The following RASA2 variants were observed in gnomAD, a reference collection of about 807,000 sequenced individuals.
The protein encoded by RASA2 is ras GTPase-activating protein 2.
A neutral mutation model predicts 118.2 loss-of-function variants in RASA2; 155 were observed. That is an observed-to-expected ratio of 1.31 (90% CI 1.15 to 1.50). The LOEUF (loss-of-function observed/expected upper bound fraction) is 1.50. Ranked by LOEUF, RASA2 falls within the 40% of genes most tolerant of loss-of-function variation. RASA2 has a pLI of 0.00. For synonymous variants in RASA2, 353 were observed against 349.1 expected, an observed-to-expected ratio of 1.01 and a Z score of -0.12; for missense variants, 1,016 against 1,009.6, an observed-to-expected ratio of 1.01 and a Z score of -0.09.
At chr3:141,606,606 T>TC (rs2083553075) in intron 19 of RASA2, among the ~76,000 whole-genome samples, 1 of 152,284 alleles carries the variant, frequency 6.6e-6, no homozygotes, top group Admixed American at 6.5e-5. Context: ...TTGAATTAAG[T>TC]GACTTTATCT....
chr3:141,612,072 G>T (rs950132569), intron 23 of RASA2, among the ~76,000 whole-genome samples: 1 of 152,002 alleles, frequency 6.6e-6, no homozygotes, highest in African/African-American at 2.4e-5. Flanking sequence ...GGTTTTCTTG[G>T]TCTGTTTTGT....
chr3:141,522,970 T>C (rs1188120253), intron 3 of RASA2, among the ~76,000 whole-genome samples: 1 of 152,172 alleles, frequency 6.6e-6, no homozygotes, highest in Non-Finnish European at 1.5e-5. Context: ...CTGCAGGGCC[T>C]GTTCCTGGGT....
intron 5 of RASA2, among the ~76,000 whole-genome samples, chr3:141,543,076 T>G (rs1028371526): frequency 2.0e-5 from 3 of 152,100 alleles, no homozygotes; most frequent in Non-Finnish European, 4.4e-5. Context: ...ATTTTTTGTT[T>G]GTTTTCTGTT....
At chr3:141,599,059 G>A (rs575959282) in intron 19 of RASA2, among the ~76,000 whole-genome samples, 14 of 152,174 alleles carry the variant, frequency 9.2e-5, no homozygotes, top group African/African-American at 3.1e-4. Flanking sequence ...CTGCACTCCA[G>A]CCCCGGCGAC....
chr3:141,539,869 A>G (rs969852430), intron 4 of RASA2, among the ~76,000 whole-genome samples: 2 of 152,020 alleles, frequency 1.3e-5, no homozygotes, highest in Admixed American at 6.6e-5. Flanking sequence ...TTAAGAAAGT[A>G]CTCCTTTATT....
At chr3:141,506,832 C>T (rs2081874797) in intron 1 of RASA2, among the ~76,000 whole-genome samples, 2 of 150,188 alleles carry the variant, frequency 1.3e-5, no homozygotes, top group Admixed American at 1.3e-4. Context: ...GACAGAATCA[C>T]GTGAGTCCAG....
At chr3:141,537,008 A>G (rs983955144) in intron 4 of RASA2, among the ~76,000 whole-genome samples, 1 of 152,168 alleles carries the variant, frequency 6.6e-6, no homozygotes, top group Non-Finnish European at 1.5e-5. Flanking sequence ...TGGCCTCCCA[A>G]AGTGCTGGGA....
intron 17 of RASA2, among the ~76,000 whole-genome samples, chr3:141,583,567 G>A (rs1301120542): frequency 2.6e-5 from 4 of 152,140 alleles, no homozygotes; most frequent in African/African-American, 9.7e-5. Context: ...TGCTGTGATA[G>A]GGCGCTTCTT....
chr3:141,489,524 C>G (rs1049538603), intron 1 of RASA2, among the ~76,000 whole-genome samples: 5 of 152,134 alleles, frequency 3.3e-5, no homozygotes, highest in Admixed American at 3.3e-4. Flanking sequence ...CAGTAGGAAA[C>G]CTTGGAAGAA....
At chr3:141,548,685 G>A (rs930290280) in intron 5 of RASA2, among the ~76,000 whole-genome samples, 2 of 152,130 alleles carry the variant, frequency 1.3e-5, no homozygotes, top group African/African-American at 4.8e-5. Context: ...TAATGTATGG[G>A]AAGATTCATA....
chr3:141,600,490 G>T (rs561023413), intron 19 of RASA2: 23 of 320,558 alleles, frequency 7.2e-5, no homozygotes, highest in African/African-American at 5.1e-4. Flanking sequence ...GACCTACTTG[G>T]TCACAGCCTT....
chr3:141,555,325 T>C (rs1194311191), intron 6 of RASA2, among the ~76,000 whole-genome samples: 1 of 152,188 alleles, frequency 6.6e-6, no homozygotes, highest in Non-Finnish European at 1.5e-5. Flanking sequence ...GTGTAAGATG[T>C]TAACACTGGG....
chr3:141,603,237 G>T (rs1030620273), intron 19 of RASA2, among the ~76,000 whole-genome samples: 1 of 152,100 alleles, frequency 6.6e-6, no homozygotes, highest in Non-Finnish European at 1.5e-5. Context: ...GGGCCAATAT[G>T]TAGTTGGACA....
chr3:141,558,865 A>C, intron 7 of RASA2, 21 bp from the exon 8 acceptor site: 1 of 1,537,568 alleles, frequency 6.5e-7, no homozygotes, highest in Non-Finnish European at 8.9e-7. Context: ...AAAAATTTTT[A>C]CTAAAATATT....
intron 13 of RASA2, 49 bp from the exon 14 acceptor site, chr3:141,573,895 A>C: frequency 6.7e-7 from 1 of 1,502,038 alleles, no homozygotes; most frequent in East Asian, 2.4e-5. Context: ...AGGCTATTGA[A>C]GATGTGTGAA....
intron 2 of RASA2, among the ~76,000 whole-genome samples, chr3:141,513,077 AAAAC>A (rs1404501157): frequency 6.8e-6 from 1 of 146,856 alleles, no homozygotes; most frequent in African/African-American, 2.6e-5. Flanking sequence ...AAAAAAAAAA[AAAAC>A]AAAAAAACGA....
intron 9 of RASA2, among the ~76,000 whole-genome samples, chr3:141,568,687 ATTCT>A (rs1046207730): frequency 5.3e-5 from 8 of 152,178 alleles, no homozygotes; most frequent in Non-Finnish European, 1.2e-4. Context: ...CTCCACACAG[ATTCT>A]TTCTTAGTTC....
intron 19 of RASA2, among the ~76,000 whole-genome samples, chr3:141,605,459 T>C (rs571647652): frequency 1.3e-5 from 2 of 152,318 alleles, no homozygotes; most frequent in African/African-American, 4.8e-5. Context: ...CATGACAGTA[T>C]ATGTGCCTGG....
intron 3 of RASA2, among the ~76,000 whole-genome samples, chr3:141,528,824 A>G (rs1410153309): frequency 6.6e-6 from 1 of 152,048 alleles, no homozygotes. Flanking sequence ...AGTACAAGGA[A>G]ATAAAGTAGA....
Sources: gnomAD v4.1 joint callset for allele counts (sites outside exome capture counted in the v4.1 genomes callset) on GRCh38, gnomAD v4.1.1 for gene constraint, MANE v1.5 for transcripts, NCBI Gene and HGNC (gene_info 2026-07-23, HGNC 2026-07-21) for gene names.